The following PCDH11X variants were observed in gnomAD, a reference collection of about 807,000 sequenced individuals.
PCDH11X encodes the protein protocadherin-11 X-linked.
Under a neutral mutation model 53.3 loss-of-function variants are expected in PCDH11X, and 18 were observed. The ratio of observed to expected loss-of-function variants is 0.34; its 90% CI spans 0.23 to 0.50. The LOEUF (loss-of-function observed/expected upper bound fraction) is 0.50, where lower values mean the gene tolerates loss of function less well. PCDH11X is among the 20% of genes least tolerant of loss of function. PCDH11X has a pLI of 0.98. For missense variants in PCDH11X, 570 were observed against 1,032.4 expected, an observed-to-expected ratio of 0.55 and a Z score of 6.14; for synonymous variants, 279 against 393.3, an observed-to-expected ratio of 0.71 and a Z score of 3.44.
At chrX:92,233,606 A>G (rs769469015) in intron 7 of PCDH11X, among the ~76,000 whole-genome samples, 2 of 111,895 alleles carry the variant, frequency 1.8e-5, no homozygotes, top group Admixed American at 9.6e-5. Context: ...GTGGACATGC[A>G]TTGTGTGTGT....
chrX:92,422,023 T>C (rs1164975150), intron 9 of PCDH11X, among the ~76,000 whole-genome samples: 1 of 110,742 alleles, frequency 9.0e-6, no homozygotes, highest in African/African-American at 3.3e-5. Flanking sequence ...TTGATTATCT[T>C]ATAGTTTCTA....
At chrX:92,304,860 G>A (rs1343067627) in intron 8 of PCDH11X, among the ~76,000 whole-genome samples, 5 of 112,192 alleles carry the variant, frequency 4.5e-5, no homozygotes, top group Non-Finnish European at 9.4e-5. Context: ...TTCCTCTAGT[G>A]AATTTGAGAT....
chrX:92,491,062 A>G (rs1249454063), intron 10 of PCDH11X, among the ~76,000 whole-genome samples: 3 of 104,963 alleles, frequency 2.9e-5, no homozygotes, highest in Non-Finnish European at 6.0e-5. Flanking sequence ...CTATTTTCAT[A>G]TGAACTGAAA....
chrX:92,382,991 G>A (rs1453893250), intron 8 of PCDH11X, among the ~76,000 whole-genome samples: 1 of 110,406 alleles, frequency 9.1e-6, no homozygotes, highest in Admixed American at 9.6e-5. Flanking sequence ...TCAAACCATG[G>A]CCTTTAGAGC....
At chrX:91,918,959 A>G (rs1163513117) in intron 6 of PCDH11X, among the ~76,000 whole-genome samples, 2 of 111,478 alleles carry the variant, frequency 1.8e-5, no homozygotes, top group Non-Finnish European at 3.8e-5. Context: ...TTCCTTGGGC[A>G]GTCTAGCTAG....
intron 8 of PCDH11X, among the ~76,000 whole-genome samples, chrX:92,287,696 C>A (rs1603255710): frequency 8.9e-6 from 1 of 111,826 alleles, no homozygotes; most frequent in South Asian, 3.7e-4. Flanking sequence ...TATATTATTT[C>A]TTTAGGCTTC....
At chrX:91,905,162 C>A (rs1216888289) in intron 6 of PCDH11X, among the ~76,000 whole-genome samples, 1 of 106,283 alleles carries the variant, frequency 9.4e-6, no homozygotes, top group Non-Finnish European at 1.9e-5. Context: ...TGGAGTCTCA[C>A]TCTGTCACCC....
chrX:92,259,171 C>A (rs1171328769), intron 7 of PCDH11X, among the ~76,000 whole-genome samples: 1 of 111,276 alleles, frequency 9.0e-6, no homozygotes, highest in Non-Finnish European at 1.9e-5. Flanking sequence ...GTCTTCCAAC[C>A]TCTGCCTGTT....
chrX:91,847,398 AATATT>A, intron 5 of PCDH11X, among the ~76,000 whole-genome samples: 2 of 111,419 alleles, frequency 1.8e-5, no homozygotes, highest in Middle Eastern at 9.2e-3. Flanking sequence ...TGCCCTGTAT[AATATT>A]AGGATGGGTA....
At chrX:92,354,433 A>G (rs912947927) in intron 8 of PCDH11X, among the ~76,000 whole-genome samples, 19 of 108,519 alleles carry the variant, frequency 1.8e-4, no homozygotes, top group Non-Finnish European at 3.1e-4. Context: ...GCCTTGAGTA[A>G]ATGTATTCCT....
intron 7 of PCDH11X, among the ~76,000 whole-genome samples, chrX:92,202,767 A>T (rs1038875833): frequency 1.8e-5 from 2 of 111,897 alleles, no homozygotes; most frequent in African/African-American, 6.5e-5. Context: ...CACGCCTGTA[A>T]TCCCAGCAGT....
intron 1 of PCDH11X, among the ~76,000 whole-genome samples, chrX:91,783,709 T>G (rs985126205): frequency 3.6e-5 from 4 of 111,822 alleles, no homozygotes; most frequent in Non-Finnish European, 7.5e-5. Context: ...TGAAAAAATA[T>G]GTATGGCAGC....
intron 5 of PCDH11X, among the ~76,000 whole-genome samples, chrX:91,855,253 T>C (rs1050957758): frequency 1.8e-4 from 20 of 111,658 alleles, no homozygotes; most frequent in Non-Finnish European, 3.4e-4. Context: ...ATTGAAGAGA[T>C]TGTATTTTCC....
intron 10 of PCDH11X, among the ~76,000 whole-genome samples, chrX:92,537,650 CAA>C (rs77743001): frequency 0.026 from 1,944 of 75,027 alleles, 47 homozygotes; most frequent in African/African-American, 0.085. Flanking sequence ...ATAACACTGG[CAA>C]AAAAAAAAAA....
At chrX:92,601,468 C>T (rs1460720861) in intron 10 of PCDH11X, among the ~76,000 whole-genome samples, 1 of 95,406 alleles carries the variant, frequency 1.0e-5, no homozygotes, top group Admixed American at 1.2e-4. Flanking sequence ...TGTAAAATGG[C>T]GTAGCTACTA....
chrX:92,215,851 A>G (rs2066696998), intron 7 of PCDH11X, among the ~76,000 whole-genome samples: 2 of 108,467 alleles, frequency 1.8e-5, no homozygotes, highest in Admixed American at 1.0e-4. Context: ...CTCCTCTGAG[A>G]CAAAACTTCC....
At chrX:92,231,340 T>C (rs2067072315) in intron 7 of PCDH11X, among the ~76,000 whole-genome samples, 1 of 111,833 alleles carries the variant, frequency 8.9e-6, no homozygotes, top group Admixed American at 9.5e-5. Flanking sequence ...ATTTAAAATT[T>C]TGTAATTTTT....
intron 4 of PCDH11X, among the ~76,000 whole-genome samples, chrX:91,813,852 C>T (rs780503522): frequency 3.0e-3 from 325 of 107,506 alleles, no homozygotes; most frequent in South Asian, 6.6e-3. Flanking sequence ...GCAGTTCTTA[C>T]GTGAAATCTC....
intron 6 of PCDH11X, among the ~76,000 whole-genome samples, chrX:92,198,982 A>G (rs1415310852): frequency 9.0e-6 from 1 of 111,539 alleles, no homozygotes; most frequent in Admixed American, 9.6e-5. Context: ...TTTTTAATCT[A>G]TAGAATTTCT....
Sources: gnomAD v4.1 joint callset for allele counts (sites outside exome capture counted in the v4.1 genomes callset) on GRCh38, gnomAD v4.1.1 for gene constraint, MANE v1.5 for transcripts, NCBI Gene and HGNC (gene_info 2026-07-23, HGNC 2026-07-21) for gene names.